IL17REL: variants seen among roughly 807,000 people sequenced by gnomAD.
IL17REL encodes interleukin 17 receptor E like, also known as interleukin-17 receptor E-like protein.
A neutral mutation model predicts 49.0 loss-of-function variants in IL17REL; 36 were observed. The ratio of observed to expected loss-of-function variants is 0.73; its 90% CI spans 0.56 to 0.97. IL17REL has a LOEUF of 0.97. Ranked by LOEUF, IL17REL falls within the 50% of genes least tolerant of loss-of-function variation. The probability of loss-of-function intolerance (pLI) is 0.00; values close to 1 mark genes in which losing one functional copy is unlikely to be tolerated. For synonymous variants in IL17REL, 206 were observed against 192.4 expected, an observed-to-expected ratio of 1.07 and a Z score of -0.58; for missense variants, 470 against 453.9, an observed-to-expected ratio of 1.04 and a Z score of -0.32.
exon 5 of IL17REL, chr22:49,999,832 A>G: frequency 6.6e-7 from 1 of 1,512,974 alleles, no homozygotes; most frequent in South Asian, 1.2e-5. Flanking sequence ...GCTCACTCGC[A>G]CAGGGGCGCC....
At chr22:50,001,459 G>T (rs984574908) in intron 1 of IL17REL, among the ~76,000 whole-genome samples, 1 of 152,154 alleles carries the variant, frequency 6.6e-6, no homozygotes, top group East Asian at 1.9e-4. Flanking sequence ...GCCTGGGTCA[G>T]GGGGGCAGGC....
chr22:50,009,580 C>A (rs1197440661), upstream of IL17REL, among the ~76,000 whole-genome samples: 2 of 151,494 alleles, frequency 1.3e-5, no homozygotes, highest in Non-Finnish European at 2.9e-5. Context: ...GTCAACACAG[C>A]CGCTCCATTC....
exon 8 of IL17REL, chr22:49,998,214 C>T: frequency 6.2e-7 from 1 of 1,612,464 alleles, no homozygotes; most frequent in Non-Finnish European, 8.5e-7. Flanking sequence ...CACAGGCTCA[C>T]ATGGCCACTC....
At chr22:50,000,148 T>C (rs1186979795) in intron 4 of IL17REL, among the ~76,000 whole-genome samples, 48 bp downstream of exon 6, 2 of 152,186 alleles carry the variant, frequency 1.3e-5, no homozygotes, top group African/African-American at 2.4e-5. Flanking sequence ...AGGAAGCCTG[T>C]CGCAGCGTCT....
chr22:50,002,481 CTTTCT>C (rs1163927337), intron 1 of IL17REL, among the ~76,000 whole-genome samples: 17 of 147,644 alleles, frequency 1.2e-4, no homozygotes, highest in Admixed American at 9.6e-4. Flanking sequence ...AAATCCAACT[CTTTCT>C]TTTCTTTTCT....
chr22:50,007,544 T>G (rs900399455), intron 1 of IL17REL, among the ~76,000 whole-genome samples: 12 of 150,074 alleles, frequency 8.0e-5, no homozygotes, highest in South Asian at 4.2e-4. Context: ...TTAATTTTTT[T>G]GGGGGGGGGA....
chr22:50,000,723 C>A, intron 3 of IL17REL, 31 bp downstream of exon 4: 1 of 1,559,124 alleles, frequency 6.4e-7, no homozygotes. Flanking sequence ...GTCTTCGGGA[C>A]TTGGGTGGCA....
downstream of IL17REL, among the ~76,000 whole-genome samples, chr22:49,992,118 G>A (rs1015471543): frequency 1.3e-5 from 2 of 152,210 alleles, no homozygotes; most frequent in African/African-American, 4.8e-5. Flanking sequence ...GTGAGCAGAC[G>A]GATGACTTTG....
chr22:49,997,728 C>A (rs1257489597), exon 10 of IL17REL: 2 of 1,613,936 alleles, frequency 1.2e-6, no homozygotes, highest in South Asian at 1.1e-5. Flanking sequence ...CCCAGGACCC[C>A]CAACTGGTAG....
intron 4 of IL17REL, 39 bp from the exon 7 acceptor site, chr22:50,000,006 C>T: frequency 6.9e-7 from 1 of 1,445,314 alleles, no homozygotes. Flanking sequence ...CTGGGACCAG[C>T]GGTCACCGAC....
downstream of IL17REL, among the ~76,000 whole-genome samples, chr22:49,993,155 A>C (rs1482471506): frequency 6.6e-6 from 1 of 152,202 alleles, no homozygotes; most frequent in African/African-American, 2.4e-5. This position sits in a 1 kb window ranked among gnomAD's most constrained non-coding sequence, Gnocchi z 6.0. Context: ...TTGGTCCCCC[A>C]GCTGCAGGGC....
chr22:49,995,369 T>C (rs1433804461), exon 13 of IL17REL: 1 of 152,250 alleles, frequency 6.6e-6, no homozygotes, highest in Admixed American at 6.5e-5. Flanking sequence ...AGGACAGGGC[T>C]GAAGGTCTTT....
chr22:50,000,576 C>A, exon 4 of IL17REL: 5 of 1,613,416 alleles, frequency 3.1e-6, no homozygotes, highest in Non-Finnish European at 4.2e-6. Flanking sequence ...CGCAAAGCAG[C>A]CAAAGTGCAC....
chr22:49,999,826 A>T lies in IL17REL; in HGVS notation c.474+2T>A. 6.6e-7 allele frequency: 1 copy of T among 1,504,328 alleles called. No individual in the cohort carries two copies. The highest frequency in any genetic ancestry group is 8.9e-7 in the Non-Finnish European group (1 of 1,126,408). The allele number at this position is 1,504,328 out of a possible 1,614,324, so 93.2% of individuals were successfully genotyped here. A position where few individuals can be genotyped will look rare whatever the true frequency, so the allele number is the denominator to read the frequency against. On this transcript the variant is annotated splice_donor_variant, in intron 5 of 12. Coordinates refer to ENST00000341280, the Ensembl canonical transcript of IL17REL. LOFTEE classifies it high-confidence loss of function. ...ACCGGGGCCCGGGGCGCGGGCGCTC[A>T]CTCGCACAGGGGCGCCGGCGTCCTC... is the stretch of plus-strand genomic sequence containing the variant.
At position 50,000,469 on chromosome 22, in the gene IL17REL, G is replaced by T. The variant is rs1476435578; in HGVS notation, c.334+9C>A. Reference sequence around the variant, plus strand: ...GGTAGCTGTGCTCAGGGGGCCCTGGGGACCCTACCTTCCACGAGGTGCCTC... The same window carrying T: ...GGTAGCTGTGCTCAGGGGGCCCTGGTGACCCTACCTTCCACGAGGTGCCTC... On this transcript the variant is annotated intron_variant, in intron 4 of 12. Coordinates refer to ENST00000341280, the Ensembl canonical transcript of IL17REL. 2 of 1,603,182 alleles carry T rather than the reference G, an allele frequency of 1.2e-6. No individual in the cohort carries two copies. The highest frequency in any genetic ancestry group is 2.7e-5 in the African/African-American group (2 of 74,716).
At chr22:49,997,867 G>A in intron 9 of IL17REL, 125 bp from the exon 12 acceptor site, 1 of 1,362,002 alleles carries the variant, frequency 7.3e-7, no homozygotes, top group East Asian at 2.4e-5. Context: ...TCCTCCTTAG[G>A]CCCTTAGCTC....
chr22:50,004,952 A>G (rs2061100771), intron 1 of IL17REL, among the ~76,000 whole-genome samples: 1 of 151,352 alleles, frequency 6.6e-6, no homozygotes. Context: ...CAACCAAGAA[A>G]GAATCAAAAC....
chr22:50,002,923 C>T (rs1053622462), intron 1 of IL17REL, among the ~76,000 whole-genome samples: 3 of 152,152 alleles, frequency 2.0e-5, no homozygotes, highest in Non-Finnish European at 4.4e-5. Context: ...GACAAGTGGG[C>T]GTGAGAAAGT....
At chr22:50,010,833 G>A (rs1157274710), upstream of IL17REL, among the ~76,000 whole-genome samples, 1 of 151,582 alleles carries the variant, frequency 6.6e-6, no homozygotes, top group African/African-American at 2.4e-5. Context: ...GGGGGGCTGA[G>A]CCCGGGCGCT....
Sources: allele counts gnomAD v4.1 joint callset (sites outside exome capture counted in the v4.1 genomes callset), GRCh38; gene constraint gnomAD v4.1.1; non-coding constraint Gnocchi (gnomAD v3.1); transcripts MANE v1.5; gene names NCBI Gene and HGNC (gene_info 2026-07-23, HGNC 2026-07-21).